The following ADAM9 variants were observed in gnomAD, a reference collection of about 807,000 sequenced individuals.
The protein encoded by ADAM9 is ADAM metallopeptidase domain 9.
Under a neutral mutation model 108.1 loss-of-function variants are expected in ADAM9, and 54 were observed. That is an observed-to-expected ratio of 0.50 (90% CI 0.40 to 0.63). The LOEUF (loss-of-function observed/expected upper bound fraction) is 0.63, where lower values mean the gene tolerates loss of function less well. Ranked by LOEUF, ADAM9 falls within the 20% of genes least tolerant of loss-of-function variation. ADAM9 has a pLI of 0.00. For missense variants in ADAM9, 830 were observed against 997.7 expected, an observed-to-expected ratio of 0.83 and a Z score of 2.26; for synonymous variants, 316 against 336.0, an observed-to-expected ratio of 0.94 and a Z score of 0.65.
rs1383810536 is a variant in ADAM9, at chr8:39,029,132, T to TTG, written c.1130+2323_1130+2324insGT. 1.2e-3 allele frequency among the ~76,000 whole-genome samples: 7 copies of TTG among 5,616 alleles called. No homozygotes were observed. In the East Asian group the frequency reaches 0.12, roughly 93 times the overall value. 3.7% of individuals were successfully genotyped at this position (5,616 alleles called of 152,430 possible). On this transcript the variant is annotated intron_variant, in intron 11 of 21. Transcript: ENST00000487273. ...AAGAGCCAAAAAAGTGTTGTTGTTG[T>TTG]TTTTTTTTTTTTTTGGTTGACTTGA...
Position 39,071,315 on chromosome 8 carries a change from A to G in ADAM9, c.1609A>G (p.Lys537Glu). ...IFGSKAKAAP[K>E]DCFIEVNSKG... is the part of the protein sequence containing the mutation. ...TGTTACAGAAGCCAAGGCTGCCCCC[A>G]AAGATTGTTTCATTGAAGTGAATTC... Residue 537 changes from lysine to glutamate, a missense_variant, in exon 15 of 22, where the codon AAA becomes GAA. By Grantham distance (56) the Lys-to-Glu change is moderately conservative. This residue lies in a region of ADAM9 where 381 missense variants were observed against 539.8 expected (regional missense o/e 0.71). Coordinates refer to ENST00000487273, the MANE Select transcript of ADAM9 (RefSeq NM_003816.3). 6.2e-7 allele frequency: 1 copy of G among 1,614,054 alleles called. No individual in the cohort carries two copies. The highest frequency in any genetic ancestry group is 8.5e-7 in the Non-Finnish European group (1 of 1,180,016).
At chr8:39,097,612 T>C (rs1385097653) in intron 20 of ADAM9, among the ~76,000 whole-genome samples, 1 of 152,164 alleles carries the variant, frequency 6.6e-6, no homozygotes, top group East Asian at 1.9e-4. Flanking sequence ...GCCTGTTGTC[T>C]AGTATTTTAA....
intron 7 of ADAM9, 51 bp downstream of exon 7, chr8:39,018,969 T>G: frequency 6.7e-7 from 1 of 1,500,846 alleles, no homozygotes; most frequent in Non-Finnish European, 9.3e-7. Context: ...ATATGAGAAG[T>G]GAGCATTTAA....
chr8:39,037,522 G>T (rs1333129695), intron 11 of ADAM9, among the ~76,000 whole-genome samples: 5 of 142,964 alleles, frequency 3.5e-5, no homozygotes, highest in Non-Finnish European at 4.5e-5. Flanking sequence ...GCTCACTGCA[G>T]CCTTAAACTC....
chr8:39,045,880 T>C (rs1028047006), intron 12 of ADAM9, among the ~76,000 whole-genome samples: 11 of 145,072 alleles, frequency 7.6e-5, no homozygotes, highest in Non-Finnish European at 1.5e-4. Flanking sequence ...AAGATCAGCC[T>C]TTTTTTTTTT....
chr8:39,021,536 G>T, intron 7 of ADAM9, 107 bp from the exon 8 acceptor site: 1 of 955,260 alleles, frequency 1.0e-6, no homozygotes. Flanking sequence ...TACCCGCCTG[G>T]GCCTCTCAAA....
At chr8:39,072,821 T>C (rs1438069001) in intron 15 of ADAM9, among the ~76,000 whole-genome samples, 1 of 152,272 alleles carries the variant, frequency 6.6e-6, no homozygotes, top group Non-Finnish European at 1.5e-5. Context: ...GAATTTGATA[T>C]GTTTTCATTA....
At chr8:39,064,856 C>G (rs773202020) in intron 14 of ADAM9, among the ~76,000 whole-genome samples, 27 of 152,118 alleles carry the variant, frequency 1.8e-4, no homozygotes, top group Non-Finnish European at 1.8e-4. Context: ...GTTTTGAAGG[C>G]ATTGCTTTAT....
intron 7 of ADAM9, among the ~76,000 whole-genome samples, chr8:39,019,356 G>A (rs1279257397): frequency 1.3e-5 from 2 of 152,176 alleles, no homozygotes; most frequent in Non-Finnish European, 2.9e-5. Context: ...GTCCTGGCAT[G>A]CTTTAGAAGG....
chr8:39,053,658 T>C (rs1415483984), intron 12 of ADAM9, among the ~76,000 whole-genome samples: 1 of 152,062 alleles, frequency 6.6e-6, no homozygotes, highest in Non-Finnish European at 1.5e-5. Flanking sequence ...AACATTGACA[T>C]TGCTATTTTA....
At chr8:39,063,423 C>G (rs1838357054) in intron 14 of ADAM9, among the ~76,000 whole-genome samples, 1 of 152,158 alleles carries the variant, frequency 6.6e-6, no homozygotes, top group African/African-American at 2.4e-5. Context: ...TTTCCACTGG[C>G]AAAGACGACT....
chr8:39,061,887 C>G (rs1229705259), intron 14 of ADAM9, among the ~76,000 whole-genome samples: 2 of 152,112 alleles, frequency 1.3e-5, no homozygotes, highest in African/African-American at 4.8e-5. Context: ...TAAACCATAT[C>G]TGGCTGCTCT....
intron 18 of ADAM9, among the ~76,000 whole-genome samples, chr8:39,084,244 A>G (rs1839111648): frequency 6.6e-6 from 1 of 151,558 alleles, no homozygotes; most frequent in African/African-American, 2.4e-5. Context: ...TTTATGAAAT[A>G]TGTGCCTTGT....
chr8:39,071,293 T>G lies in ADAM9; in HGVS notation c.1592-5T>G. 1 of 1,613,886 alleles carries G rather than the reference T, an allele frequency of 6.2e-7. No homozygotes were observed. The highest frequency in any genetic ancestry group is 8.5e-7 in the Non-Finnish European group (1 of 1,179,840). On this transcript the variant is annotated splice_region_variant and splice_polypyrimidine_tract_variant and intron_variant, in intron 14 of 21. Transcript: ENST00000487273. Reference sequence around the variant, plus strand: ...TTTTCTTTTTTTAAATGTTTAATGTTACAGAAGCCAAGGCTGCCCCCAAAG... The same window carrying G: ...TTTTCTTTTTTTAAATGTTTAATGTGACAGAAGCCAAGGCTGCCCCCAAAG...
chr8:39,010,436 A>C (rs1195533268), intron 2 of ADAM9, among the ~76,000 whole-genome samples: 8 of 152,212 alleles, frequency 5.3e-5, no homozygotes, highest in Non-Finnish European at 1.0e-4. Context: ...TCTAGCGCTT[A>C]GAAGTCAGAG....
In ADAM9 at chr8:39,104,100, T is replaced by C. The variant is rs1227518528; in HGVS notation, c.*400T>C. 6.6e-6 allele frequency: 3 copies of C among 457,560 alleles called. No homozygotes were observed. Among genetic ancestry groups the C allele is most frequent in the South Asian group, 4.7e-5 (3 of 64,458 alleles). 28.3% of individuals were successfully genotyped at this position (457,560 alleles called of 1,614,324 possible). On this transcript the variant is annotated 3_prime_UTR_variant, in exon 22 of 22. Transcript: ENST00000487273. ...TAGTTATCATTAATGTAGTTCCTCA[T>C]TGAACATGTGATAATCTAATACCTG...
chr8:38,996,990 A>T lies in ADAM9; in HGVS notation c.-74A>T, dbSNP rs571616096. ...TCCCGGCCAGACTTGGGGCCCCGGC[A>T]GGGTTGGAAAATGATGGAAGAGGCG... On this transcript the variant is annotated 5_prime_UTR_variant, in exon 1 of 22. Transcript: ENST00000487273. The T allele has an allele frequency of 4.5e-6, 7 of 1,549,560 alleles. No homozygotes were observed. Among genetic ancestry groups the T allele is most frequent in the Non-Finnish European group, 5.2e-6 (6 of 1,150,530 alleles).
Position 39,104,648 on chromosome 8 carries a change from GTTTACA to G in ADAM9, c.*954_*959del. 1 of 449,802 alleles carries G rather than the reference GTTTACA, an allele frequency of 2.2e-6. No homozygotes were observed. Among genetic ancestry groups the G allele is most frequent in the Non-Finnish European group, 4.4e-6 (1 of 225,378 alleles). 27.9% of individuals were successfully genotyped at this position (449,802 alleles called of 1,614,324 possible). Reference sequence around the variant, plus strand: ...AGCTTGCTATTAAATCATTTAGAATGTTTACATTTACTAAGGTGTGCTGGGTCATGT... The same window carrying G: ...AGCTTGCTATTAAATCATTTAGAATGTTTACTAAGGTGTGCTGGGTCATGT... On this transcript the variant is annotated 3_prime_UTR_variant, in exon 22 of 22. Transcript: ENST00000487273.
At chr8:39,020,635 G>A (rs1836706655) in intron 7 of ADAM9, among the ~76,000 whole-genome samples, 2 of 152,160 alleles carry the variant, frequency 1.3e-5, no homozygotes, top group Non-Finnish European at 2.9e-5. Context: ...ATCTACATAT[G>A]ATTTTTTAAC....
Sources: gnomAD v4.1 joint callset for allele counts (sites outside exome capture counted in the v4.1 genomes callset) on GRCh38, gnomAD v4.1.1 for gene constraint, gnomAD v4.1.1 regional missense constraint, MANE v1.5 for transcripts, NCBI Gene and HGNC (gene_info 2026-07-23, HGNC 2026-07-21) for gene names.